SELENOP: variants seen among roughly 807,000 people sequenced by gnomAD.
SELENOP encodes selenoprotein P, plasma, 1.
In SELENOP, 36 loss-of-function variants were observed where a neutral mutation model predicts 41.0. The observed-to-expected ratio is 0.88, with a 90% confidence interval of 0.67 to 1.16. SELENOP has a LOEUF of 1.16. Among genes scored for constraint, SELENOP ranks in the 50% most tolerant of loss-of-function variants. SELENOP has a pLI of 0.00. For synonymous variants in SELENOP, 144 were observed against 150.8 expected, an observed-to-expected ratio of 0.95 and a Z score of 0.33; for missense variants, 440 against 454.2, an observed-to-expected ratio of 0.97 and a Z score of 0.28.
chr5:42,801,683 G>T (rs540913973), intron 4 of SELENOP: 1 of 280,682 alleles, frequency 3.6e-6, no homozygotes, highest in East Asian at 6.1e-5. Flanking sequence ...TTGGGTGGCC[G>T]AGGGGGGCAG....
rs767825706 is a variant in SELENOP at position 42,808,298 on chromosome 5, G to GT, written c.55dup (p.Thr19AsnfsTer11). 11 of 1,534,352 alleles carry GT rather than the reference G, an allele frequency of 7.2e-6. No homozygotes were observed. The highest frequency in any genetic ancestry group is 2.5e-5 in the South Asian group (2 of 78,738). On this transcript the variant is annotated frameshift_variant, in exon 2 of 5. Coordinates refer to ENST00000514985, the MANE Select transcript of SELENOP (RefSeq NM_005410.4). LOFTEE classifies it high-confidence loss of function. ...TAAGGAGCTTTGGTCCTGGCTCTCT[G>GT]TTCCTCCCGATGGGAGGAGACAGAG... is the stretch of plus-strand genomic sequence containing the variant.
chr5:42,808,425 A>C, intron 1 of SELENOP, 59 bp from the exon 2 acceptor site: 1 of 557,854 alleles, frequency 1.8e-6, no homozygotes, highest in Admixed American at 4.3e-5. Flanking sequence ...CCTAACTATG[A>C]ATTTCTATAA....
intron 4 of SELENOP, 56 bp from the exon 5 acceptor site, chr5:42,801,387 G>A (rs181104358): frequency 2.7e-5 from 35 of 1,291,618 alleles, no homozygotes; most frequent in East Asian, 4.6e-5. Context: ...GGAATAATGC[G>A]TGAAAAATGA....
chr5:42,804,056 C>T (rs538938617), intron 4 of SELENOP, among the ~76,000 whole-genome samples: 1 of 152,312 alleles, frequency 6.6e-6, no homozygotes, highest in African/African-American at 2.4e-5. Context: ...TTTTTGAGCA[C>T]TTATGCCCAT....
chr5:42,809,146 C>T (rs937779941), intron 1 of SELENOP, among the ~76,000 whole-genome samples: 1 of 152,128 alleles, frequency 6.6e-6, no homozygotes, highest in Non-Finnish European at 1.5e-5. Flanking sequence ...TCCTTGAAGT[C>T]TGGCTGTATG....
intron 4 of SELENOP, among the ~76,000 whole-genome samples, chr5:42,804,333 C>A (rs1455846204): frequency 6.6e-6 from 1 of 152,174 alleles, no homozygotes; most frequent in Non-Finnish European, 1.5e-5. Context: ...TAGTGGCGGA[C>A]GCCTGTAGTC....
chr5:42,809,786 TAACTA>T (rs1280775385), intron 1 of SELENOP: 2 of 957,850 alleles, frequency 2.1e-6, no homozygotes, highest in Non-Finnish European at 2.5e-6. Flanking sequence ...GATAAGAACT[TAACTA>T]GAGAGAGTGA....
Position 42,808,342 on chromosome 5 carries a change from G to C in SELENOP, c.12C>G (p.Ser4Arg), listed in dbSNP as rs377491375. Residue 4 changes from serine (S) to arginine (R), a missense_variant, in exon 2 of 5, where the codon AGC becomes AGG. Physicochemically the swap from Ser to Arg is moderately radical, Grantham distance 110. Coordinates refer to ENST00000514985, the MANE Select transcript of SELENOP (RefSeq NM_005410.4). Reference sequence around the variant, plus strand: ...GACAGAGAGCCAGGGCAAGCCCCAGGCTTCTCCACATTGCTGGGGTTGTCC... The same window carrying C: ...GACAGAGAGCCAGGGCAAGCCCCAGCCTTCTCCACATTGCTGGGGTTGTCC... MWRSLGLALALCLL... is the reference protein window; with the variant it reads MWRRLGLALALCLL... 5 of 1,407,358 alleles carry C rather than the reference G, an allele frequency of 3.6e-6. No individual in the cohort carries two copies. Among genetic ancestry groups the C allele is most frequent in the African/African-American group, 1.5e-5 (1 of 67,498 alleles). 87.2% of individuals were successfully genotyped at this position (1,407,358 alleles called of 1,614,324 possible).
Position 42,800,949 on chromosome 5 carries a change from T to G in SELENOP, c.917A>C (p.His306Pro). 6.2e-7 allele frequency: 1 copy of G among 1,614,246 alleles called. No homozygotes were observed. The highest frequency in any genetic ancestry group is 8.5e-7 in the Non-Finnish European group (1 of 1,180,046). ...AGACCCTGTTTTTTCAAATATCAGA[T>G]GTCGACAATGGCAGCATCAGCTCCT... ...APRSUCCHCR[H>P]LIFEKTGSAI... Residue 306 changes from histidine (H) to proline (P), a missense_variant, in exon 5 of 5, where the codon CAT becomes CCT. His to Pro is a moderately conservative substitution (Grantham distance 77). Coordinates refer to ENST00000514985, the MANE Select transcript of SELENOP (RefSeq NM_005410.4).
intron 4 of SELENOP, 130 bp downstream of exon 4, chr5:42,804,526 A>C (rs1760287996): frequency 1.9e-6 from 1 of 533,052 alleles, no homozygotes; most frequent in East Asian, 3.1e-5. Context: ...ATGTTTGTTT[A>C]ATTGTAAAAA....
At chr5:42,803,049 AT>A (rs984006208) in intron 4 of SELENOP, among the ~76,000 whole-genome samples, 2 of 151,368 alleles carry the variant, frequency 1.3e-5, no homozygotes, top group African/African-American at 2.4e-5. Context: ...AATTAGCAGC[AT>A]TTTTTTTTCC....
At chr5:42,806,131 T>C (rs1760324794) in intron 3 of SELENOP, 1 of 152,172 alleles carries the variant, frequency 6.6e-6, no homozygotes, top group Non-Finnish European at 1.5e-5. Flanking sequence ...AAGGAGTAAG[T>C]AATACATTCC....
At chr5:42,801,394 A>G in intron 4 of SELENOP, 63 bp from the exon 5 acceptor site, 1 of 1,261,016 alleles carries the variant, frequency 7.9e-7, no homozygotes, top group Non-Finnish European at 1.1e-6. Flanking sequence ...TGCGTGAAAA[A>G]TGATTTGTAG....
Position 42,801,209 on chromosome 5 carries a change from GC to G in SELENOP, c.656del (p.Gly219AlafsTer?), listed in dbSNP as rs1227625079. ...GCTGATTCTCTGAAAGCTCACTGCT[GC>G]CAAGGTGCTGATGTCCATGATTGTG... ...HHHNHGHQHL[G>X]SSELSENQQP... On this transcript the variant is annotated frameshift_variant, in exon 5 of 5. Transcript: ENST00000514985. LOFTEE classifies it high-confidence loss of function. 6.2e-7 allele frequency: 1 copy of G among 1,614,014 alleles called. No individual in the cohort carries two copies. The highest frequency in any genetic ancestry group is 1.3e-5 in the African/African-American group (1 of 74,908).
chr5:42,808,051 CTT>C, intron 2 of SELENOP, 98 bp downstream of exon 2: 1 of 516,728 alleles, frequency 1.9e-6, no homozygotes, highest in Non-Finnish European at 3.1e-6. Flanking sequence ...AAAAGTGTGA[CTT>C]AATACATTAT....
intron 4 of SELENOP, among the ~76,000 whole-genome samples, chr5:42,803,321 T>C (rs1760254667): frequency 6.6e-6 from 1 of 152,206 alleles, no homozygotes; most frequent in South Asian, 2.1e-4. Flanking sequence ...GGAATCATTA[T>C]AATTAGTATT....
intron 1 of SELENOP, among the ~76,000 whole-genome samples, chr5:42,809,486 A>T (rs1760414709): frequency 6.6e-6 from 1 of 152,228 alleles, no homozygotes; most frequent in East Asian, 1.9e-4. Flanking sequence ...ATTCAGGCTC[A>T]TTTTGATGTA....
At chr5:42,804,546 T>C (rs974632915) in intron 4 of SELENOP, 110 bp downstream of exon 4, 3 of 585,548 alleles carry the variant, frequency 5.1e-6, no homozygotes, top group African/African-American at 3.8e-5. Context: ...ATTATTGTTA[T>C]TTATTTTTAG....
chr5:42,804,196 T>C (rs1263989638), intron 4 of SELENOP, among the ~76,000 whole-genome samples: 1 of 152,214 alleles, frequency 6.6e-6, no homozygotes, highest in Non-Finnish European at 1.5e-5. Flanking sequence ...GCGCGGTGGC[T>C]CACGCCTGTA....
Sources: gnomAD v4.1 joint callset for allele counts (sites outside exome capture counted in the v4.1 genomes callset) on GRCh38, gnomAD v4.1.1 for gene constraint, MANE v1.5 for transcripts, NCBI Gene and HGNC (gene_info 2026-07-23, HGNC 2026-07-21) for gene names.